Variants in UNC13C observed in about 807,000 individuals in gnomAD.
UNC13C encodes unc-13 homolog C.
In UNC13C, 174 loss-of-function variants were observed where a neutral mutation model predicts 245.4. The ratio of observed to expected loss-of-function variants is 0.71; its 90% CI spans 0.63 to 0.80. The LOEUF (loss-of-function observed/expected upper bound fraction) is 0.80, where lower values mean the gene tolerates loss of function less well. UNC13C is among the 30% of genes least tolerant of loss of function. UNC13C has a pLI of 0.00. For missense variants in UNC13C, 2,829 were observed against 2,602.9 expected, an observed-to-expected ratio of 1.09 and a Z score of -1.89; for synonymous variants, 992 against 895.1, an observed-to-expected ratio of 1.11 and a Z score of -1.93.
At chr15:53,840,712 A>G in the UNC13C span, among the ~76,000 whole-genome samples, 1 of 152,194 alleles carries the variant, frequency 6.6e-6, no homozygotes, top group Non-Finnish European at 1.5e-5. Context: ...AAAGGCACTG[A>G]GGAAGTATCA....
chr15:54,376,692 G>T (rs1489038949), intron 17 of UNC13C, among the ~76,000 whole-genome samples: 2 of 152,286 alleles, frequency 1.3e-5, no homozygotes, highest in South Asian at 2.1e-4. Context: ...AAAGAACAAA[G>T]AAAAGCAGTA....
chr15:54,618,056 C>CATT (rs998925368), intron 30 of UNC13C, among the ~76,000 whole-genome samples: 1 of 152,042 alleles, frequency 6.6e-6, no homozygotes, highest in Non-Finnish European at 1.5e-5. Flanking sequence ...CAATTAAAAG[C>CATT]ATTATATGAG....
At chr15:54,253,264 G>T (rs945526962) in intron 8 of UNC13C, among the ~76,000 whole-genome samples, 2 of 152,222 alleles carry the variant, frequency 1.3e-5, no homozygotes, top group African/African-American at 4.8e-5. Flanking sequence ...AATTAGACCA[G>T]GTGATGGTGA....
intron 4 of UNC13C, among the ~76,000 whole-genome samples, chr15:54,187,394 C>T (rs535309389): frequency 6.6e-6 from 1 of 152,106 alleles, no homozygotes; most frequent in Non-Finnish European, 1.5e-5. Context: ...TCTTTAATAA[C>T]TTTCCATTGC....
the UNC13C span, chr15:53,914,577 A>G: frequency 2.0e-3 from 301 of 152,890 alleles, 3 homozygotes; most frequent in East Asian, 0.016. Flanking sequence ...AGAGCAGGCC[A>G]TACAGCTGCA....
At chr15:53,852,799 G>T in the UNC13C span, among the ~76,000 whole-genome samples, 1 of 151,972 alleles carries the variant, frequency 6.6e-6, no homozygotes, top group African/African-American at 2.4e-5. Flanking sequence ...TCTAATTATG[G>T]CAGGAGATTA....
At chr15:54,601,879 A>T (rs1420390948) in intron 30 of UNC13C, among the ~76,000 whole-genome samples, 1 of 152,216 alleles carries the variant, frequency 6.6e-6, no homozygotes, top group East Asian at 1.9e-4. Context: ...GTACTGGGGA[A>T]GAGCATGGCC....
intron 11 of UNC13C, among the ~76,000 whole-genome samples, chr15:54,295,258 A>G (rs750059256): frequency 6.6e-5 from 10 of 152,230 alleles, no homozygotes; most frequent in Admixed American, 3.3e-4. Flanking sequence ...TTATCTTTAT[A>G]TGGACTTCTT....
intron 32 of UNC13C, among the ~76,000 whole-genome samples, chr15:54,625,251 G>T (rs1901058066): frequency 6.7e-6 from 1 of 148,876 alleles, no homozygotes; most frequent in African/African-American, 2.5e-5. Flanking sequence ...TTCCCTTTTG[G>T]CCAAAATCTA....
chr15:54,152,590 A>G (rs562445622), intron 4 of UNC13C, among the ~76,000 whole-genome samples: 1 of 152,254 alleles, frequency 6.6e-6, no homozygotes, highest in African/African-American at 2.4e-5. Context: ...AAAACCACTG[A>G]TACATCCTTT....
chr15:54,223,607 C>T (rs1259529340), intron 4 of UNC13C, among the ~76,000 whole-genome samples: 1 of 151,634 alleles, frequency 6.6e-6, no homozygotes, highest in Non-Finnish European at 1.5e-5. Context: ...GATAGCTTTG[C>T]TTATCCTGAG....
At chr15:54,623,668 A>C (rs1232049400) in intron 31 of UNC13C, 127 bp from the exon 32 acceptor site, 2 of 779,164 alleles carry the variant, frequency 2.6e-6, no homozygotes, top group East Asian at 5.4e-5. Flanking sequence ...ATTGTCTTGG[A>C]GTACAGTGTC....
At chr15:54,341,652 C>T (rs889156675) in intron 17 of UNC13C, among the ~76,000 whole-genome samples, 5 of 152,114 alleles carry the variant, frequency 3.3e-5, no homozygotes, top group Admixed American at 1.3e-4. Flanking sequence ...TGCTTACTAC[C>T]TATAACCATG....
chr15:54,059,931 T>G (rs1438448627), intron 2 of UNC13C, among the ~76,000 whole-genome samples: 1 of 152,216 alleles, frequency 6.6e-6, no homozygotes, highest in African/African-American at 2.4e-5. Context: ...AAGCTGAAAC[T>G]GGATCCCTTC....
At chr15:54,060,392 G>C (rs1388861124) in intron 2 of UNC13C, among the ~76,000 whole-genome samples, 3 of 152,116 alleles carry the variant, frequency 2.0e-5, no homozygotes, top group Non-Finnish European at 2.9e-5. Flanking sequence ...GGCCATCAGA[G>C]AAATGCAAAT....
chr15:54,530,673 A>T (rs1227727072), intron 25 of UNC13C, among the ~76,000 whole-genome samples: 3 of 152,154 alleles, frequency 2.0e-5, no homozygotes, highest in Non-Finnish European at 4.4e-5. Context: ...CCTGAAATTA[A>T]CGAGGGACCA....
intron 18 of UNC13C, among the ~76,000 whole-genome samples, chr15:54,393,641 A>AAATATAAAACATAT (rs988237469): frequency 3.9e-5 from 6 of 151,934 alleles, no homozygotes; most frequent in Non-Finnish European, 8.8e-5. Context: ...TTAATAAAAC[A>AAATATAAAACATAT]AGTTGATTTT....
chr15:54,402,129 C>G (rs1490656750), intron 18 of UNC13C, among the ~76,000 whole-genome samples: 4 of 150,822 alleles, frequency 2.7e-5, no homozygotes, highest in African/African-American at 9.8e-5. Flanking sequence ...TCATTTCCTA[C>G]AAGCAATCAG....
At chr15:54,454,570 G>GAA (rs60702966) in intron 19 of UNC13C, among the ~76,000 whole-genome samples, 56 of 119,124 alleles carry the variant, frequency 4.7e-4, no homozygotes, top group South Asian at 2.0e-3. Context: ...AATAGTGGGG[G>GAA]AAAAAAAAAA....
Sources: gnomAD v4.1 joint callset for allele counts (sites outside exome capture counted in the v4.1 genomes callset) on GRCh38, gnomAD v4.1.1 for gene constraint, MANE v1.5 for transcripts, NCBI Gene and HGNC (gene_info 2026-07-23, HGNC 2026-07-21) for gene names.